The following PTPRD variants were observed in gnomAD, a reference collection of about 807,000 sequenced individuals.
PTPRD encodes protein tyrosine phosphatase receptor type D.
PTPRD carries 34 observed loss-of-function variants against 214.5 expected under a neutral mutation model. The ratio of observed to expected loss-of-function variants is 0.16; its 90% CI spans 0.12 to 0.21. The LOEUF (loss-of-function observed/expected upper bound fraction) is 0.21. Ranked by LOEUF, PTPRD falls within the 10% of genes least tolerant of loss-of-function variation. The probability of loss-of-function intolerance (pLI) is 1.00; values close to 1 mark genes in which losing one functional copy is unlikely to be tolerated. For missense variants in PTPRD, 2,545 were observed against 2,398.7 expected (o/e 1.06, Z -1.27); for synonymous variants, 1,128 against 845.7 (o/e 1.33, Z -5.79).
At chr9:10,292,363 T>G (rs2154401041) in intron 3 of PTPRD, among the ~76,000 whole-genome samples, 1 of 152,154 alleles carries the variant, frequency 6.6e-6, no homozygotes, top group Admixed American at 6.6e-5. Flanking sequence ...CTTCAGCTGT[T>G]CTTCCTGACA....
intron 5 of PTPRD, among the ~76,000 whole-genome samples, chr9:9,936,829 T>G (rs913492197): frequency 7.0e-6 from 1 of 142,210 alleles, no homozygotes; most frequent in Non-Finnish European, 1.5e-5. Context: ...CCAACCCAAA[T>G]GTCCAACAAT....
At chr9:10,017,480 T>C (rs1216539462) in intron 4 of PTPRD, among the ~76,000 whole-genome samples, 1 of 152,166 alleles carries the variant, frequency 6.6e-6, no homozygotes, top group African/African-American at 2.4e-5. Context: ...ATACCTTATT[T>C]AAGCAAAGCT....
In PTPRD at chr9:9,346,997, C is replaced by T. The variant is rs558608045; in HGVS notation, c.-203+50452G>A. On this transcript the variant is annotated intron_variant, in intron 9 of 45. Coordinates refer to ENST00000381196, the MANE Select transcript of PTPRD (RefSeq NM_002839.4). ...TGTGAGCCATTGTGCCTGGCCAATT[C>T]CTTAATCTTAACACAGCCCCTGGGG... Among the ~76,000 whole-genome samples, 20 of 152,072 alleles carry T rather than the reference C, an allele frequency of 1.3e-4. No individual in the cohort carries two copies. The East Asian group carries it at 3.5e-3, about 27-fold the overall frequency.
intron 9 of PTPRD, among the ~76,000 whole-genome samples, chr9:9,374,332 ATAAT>A (rs1206841259): frequency 6.6e-6 from 1 of 152,110 alleles, no homozygotes; most frequent in African/African-American, 2.4e-5. Flanking sequence ...TGTAATTTCT[ATAAT>A]TAAATTTTTA....
intron 11 of PTPRD, among the ~76,000 whole-genome samples, chr9:8,892,861 A>T (rs969560359): frequency 2.6e-5 from 4 of 152,010 alleles, no homozygotes; most frequent in African/African-American, 9.7e-5. Context: ...AAGCACACAG[A>T]TAATTCACTG....
intron 11 of PTPRD, among the ~76,000 whole-genome samples, chr9:8,796,794 T>A (rs750597435): frequency 2.6e-4 from 40 of 152,170 alleles, no homozygotes; most frequent in Non-Finnish European, 5.0e-4. Context: ...TTCCCATAAT[T>A]TATTTTCTAG....
chr9:9,656,535 T>C (rs570838356), intron 7 of PTPRD, among the ~76,000 whole-genome samples: 120 of 152,240 alleles, frequency 7.9e-4, no homozygotes, highest in African/African-American at 2.9e-3. Context: ...ATGATTCCAA[T>C]TACATGAAAT....
Position 9,708,286 on chromosome 9 carries a change from G to A in PTPRD, c.-287+26247C>T, listed in dbSNP as rs113506444. ...TGTGTTTACTCTTTCTCTCTACCTG[G>A]AGTTTCTCTTCAGAATGGCAATTCT... On this transcript the variant is annotated intron_variant, in intron 7 of 45. Coordinates refer to ENST00000381196, the MANE Select transcript of PTPRD (RefSeq NM_002839.4). 1.6e-3 allele frequency among the ~76,000 whole-genome samples: 250 copies of A among 152,102 alleles called. 1 individual carries two copies. The highest frequency in any genetic ancestry group is 5.7e-3 in the African/African-American group (237 of 41,506).
rs1594972876 is a variant in PTPRD, at chr9:8,601,608, AG to A, written c.352+31708del. ...CAACAGTTTCTGCCTGGTAATGCAC[AG>A]AACTTTTCTGGAGCCTATCCAAGAC... On this transcript the variant is annotated intron_variant, in intron 14 of 45. Coordinates refer to ENST00000381196, the MANE Select transcript of PTPRD (RefSeq NM_002839.4). Among the ~76,000 whole-genome samples, 4 of 152,096 alleles carry A rather than the reference AG, an allele frequency of 2.6e-5. No individual in the cohort carries two copies. The East Asian group carries it at 5.8e-4, about 22-fold the overall frequency.
intron 3 of PTPRD, among the ~76,000 whole-genome samples, chr9:10,223,330 T>C (rs904769544): frequency 2.6e-5 from 4 of 151,928 alleles, no homozygotes; most frequent in African/African-American, 4.8e-5. Context: ...TAAGACTAGA[T>C]TGAAAGTCAG....
At chr9:9,719,916 C>T (rs868073229) in intron 7 of PTPRD, among the ~76,000 whole-genome samples, 1 of 152,194 alleles carries the variant, frequency 6.6e-6, no homozygotes, top group African/African-American at 2.4e-5. Context: ...GAGCTGCCAG[C>T]GCTGCTCAAG....
chr9:8,332,172 GAA>G (rs1842100253), intron 43 of PTPRD, among the ~76,000 whole-genome samples: 1 of 152,110 alleles, frequency 6.6e-6, no homozygotes, highest in Non-Finnish European at 1.5e-5. Context: ...AATAAATATT[GAA>G]ACAAGCACCT....
intron 10 of PTPRD, among the ~76,000 whole-genome samples, chr9:9,038,889 C>T (rs1033480215): frequency 2.0e-5 from 3 of 151,892 alleles, no homozygotes; most frequent in African/African-American, 7.3e-5. Flanking sequence ...AAAAATTTTT[C>T]CCTCCCAGGA....
intron 9 of PTPRD, among the ~76,000 whole-genome samples, chr9:9,372,321 G>C (rs1343592813): frequency 6.6e-6 from 1 of 152,134 alleles, no homozygotes; most frequent in African/African-American, 2.4e-5. Context: ...TATATATTTA[G>C]GGTAGTTAGC....
intron 33 of PTPRD, among the ~76,000 whole-genome samples, chr9:8,453,522 AAAAC>A (rs1367114219): frequency 2.0e-5 from 3 of 152,202 alleles, no homozygotes; most frequent in African/African-American, 7.2e-5. Flanking sequence ...TGAAAAAACA[AAAAC>A]AAACTATTTT....
intron 12 of PTPRD, among the ~76,000 whole-genome samples, chr9:8,666,757 G>C (rs1307541794): frequency 1.3e-5 from 2 of 152,166 alleles, no homozygotes; most frequent in East Asian, 1.9e-4. Flanking sequence ...TGTCCTGTGA[G>C]TTTTCTGCAG....
chr9:10,267,243 T>C (rs1413636916), intron 3 of PTPRD, among the ~76,000 whole-genome samples: 2 of 149,366 alleles, frequency 1.3e-5, no homozygotes, highest in Non-Finnish European at 3.0e-5. Context: ...ATGGAGCAGA[T>C]GGAGTTACAC....
chr9:9,004,093 C>T (rs1031201542), intron 11 of PTPRD, among the ~76,000 whole-genome samples: 2 of 151,968 alleles, frequency 1.3e-5, no homozygotes, highest in Non-Finnish European at 1.5e-5. Flanking sequence ...GACTCTAACC[C>T]CTTATAGACT....
chr9:9,952,079 T>TA (rs756422916), intron 4 of PTPRD, among the ~76,000 whole-genome samples: 3 of 152,104 alleles, frequency 2.0e-5, no homozygotes, highest in Non-Finnish European at 4.4e-5. Flanking sequence ...AGGATGGTAG[T>TA]AAAATTAGAA....
Sources: gnomAD v4.1 joint callset for allele counts (sites outside exome capture counted in the v4.1 genomes callset) on GRCh38, gnomAD v4.1.1 for gene constraint, MANE v1.5 for transcripts, NCBI Gene and HGNC (gene_info 2026-07-23, HGNC 2026-07-21) for gene names.